The following OLFML2A variants were observed in gnomAD, a reference collection of about 807,000 sequenced individuals.
OLFML2A encodes olfactomedin like 2A.
In OLFML2A, 47 loss-of-function variants were observed where a neutral mutation model predicts 60.9. The ratio of observed to expected loss-of-function variants is 0.77; its 90% CI spans 0.61 to 0.98. The LOEUF (loss-of-function observed/expected upper bound fraction) is 0.98, where lower values mean the gene tolerates loss of function less well. Among genes scored for constraint, OLFML2A ranks in the 50% least tolerant of loss-of-function variants. OLFML2A has a pLI of 0.00. For synonymous variants in OLFML2A, 372 were observed against 375.0 expected, an observed-to-expected ratio of 0.99 and a Z score of 0.09; for missense variants, 922 against 879.8, an observed-to-expected ratio of 1.05 and a Z score of -0.61.
Position 124,804,095 on chromosome 9 carries a change from CA to C in OLFML2A, c.923del (p.Asn308ThrfsTer99). On this transcript the variant is annotated frameshift_variant and splice_region_variant, in exon 6 of 8. Transcript: ENST00000373580. LOFTEE classifies it high-confidence loss of function. Reference sequence around the variant, plus strand: ...AGCACAGGGGTCTTCTCTCTGCAGACAACACCCTCCAGGGCACTTCCTGGCT... The same window carrying C: ...AGCACAGGGGTCTTCTCTCTGCAGACACACCCTCCAGGGCACTTCCTGGCT... ...KQEVTEAVAD[N>X]TLQGTSWLEQ... 6.2e-7 allele frequency: 1 copy of C among 1,613,920 alleles called. No homozygotes were observed. Among genetic ancestry groups the C allele is most frequent in the Non-Finnish European group, 8.5e-7 (1 of 1,179,882 alleles).
intron 4 of OLFML2A, 136 bp downstream of exon 4, chr9:124,799,627 G>C (rs1212103628): frequency 1.4e-6 from 1 of 709,960 alleles, no homozygotes; most frequent in East Asian, 2.7e-5. Context: ...CACAGCCAGA[G>C]AGTCCCTGGC....
intron 1 of OLFML2A, among the ~76,000 whole-genome samples, chr9:124,782,169 C>G (rs1180363776): frequency 6.6e-6 from 1 of 152,230 alleles, no homozygotes; most frequent in African/African-American, 2.4e-5. Flanking sequence ...CTGTCCCAGC[C>G]CAATTGCTCA....
chr9:124,805,629 G>C (rs1042332616), intron 6 of OLFML2A, among the ~76,000 whole-genome samples: 1 of 151,870 alleles, frequency 6.6e-6, no homozygotes, highest in African/African-American at 2.4e-5. Context: ...ATGGTGGGAG[G>C]GGGTAAAGGA....
intron 4 of OLFML2A, chr9:124,800,840 G>T: frequency 7.1e-7 from 1 of 1,412,478 alleles, no homozygotes; most frequent in Non-Finnish European, 9.3e-7. Context: ...TAAATAGGAA[G>T]TGAAAATAAC....
chr9:124,799,225 A>G, intron 3 of OLFML2A, 60 bp from the exon 4 acceptor site: 1 of 1,244,874 alleles, frequency 8.0e-7, no homozygotes, highest in South Asian at 1.3e-5. Flanking sequence ...GTGTCCCTCC[A>G]GGCTAGGGGT....
intron 6 of OLFML2A, among the ~76,000 whole-genome samples, chr9:124,805,782 T>C (rs1841882868): frequency 6.6e-6 from 1 of 151,250 alleles, no homozygotes; most frequent in South Asian, 2.1e-4. Context: ...TTTATTATTA[T>C]TGTTGTTGTT....
Position 124,785,875 on chromosome 9 carries a change from A to G in OLFML2A, c.91-1100A>G, listed in dbSNP as rs1297832912. On this transcript the variant is annotated intron_variant, in intron 1 of 7. Coordinates refer to ENST00000373580, the MANE Select transcript of OLFML2A (RefSeq NM_182487.4). The stretch of plus-strand genomic sequence containing the variant: ...CATACTGTAATCCCAGAACTTTGAG[A>G]GGCCAAGGCAGAAGGATCACTTGTG... 2.0e-5 allele frequency among the ~76,000 whole-genome samples: 3 copies of G among 152,296 alleles called. No homozygotes were observed. In the East Asian group the frequency reaches 5.8e-4, roughly 29 times the overall value.
chr9:124,791,108 A>T (rs991462384), intron 2 of OLFML2A, among the ~76,000 whole-genome samples: 2 of 152,188 alleles, frequency 1.3e-5, no homozygotes, highest in Admixed American at 6.5e-5. Flanking sequence ...ACAGTTGCTG[A>T]CCCCAGTAAT....
At chr9:124,778,656 G>A (rs1033334598) in intron 1 of OLFML2A, among the ~76,000 whole-genome samples, 1 of 151,990 alleles carries the variant, frequency 6.6e-6, no homozygotes, top group Non-Finnish European at 1.5e-5. Context: ...AATTAGCCAG[G>A]TGTGGTGGTG....
At chr9:124,795,476 G>A (rs1278482376) in intron 3 of OLFML2A, among the ~76,000 whole-genome samples, 1 of 152,198 alleles carries the variant, frequency 6.6e-6, no homozygotes, top group African/African-American at 2.4e-5. Flanking sequence ...ATTCCTTGGT[G>A]GCTGGGCATG....
chr9:124,789,660 C>T lies in OLFML2A; in HGVS notation c.354+2422C>T, dbSNP rs538173979. 1.3e-4 allele frequency among the ~76,000 whole-genome samples: 20 copies of T among 152,320 alleles called. 1 individual carries two copies. Among genetic ancestry groups the T allele is most frequent in the African/African-American group, 3.8e-4 (16 of 41,576 alleles). ...CACAGAGACAGTCAGTGCCTCTGCA[C>T]GCAAGTCATGCAGAAAAGCAAGAGA... On this transcript the variant is annotated intron_variant, in intron 2 of 7. Coordinates refer to ENST00000373580, the MANE Select transcript of OLFML2A (RefSeq NM_182487.4).
intron 5 of OLFML2A, 131 bp downstream of exon 5, chr9:124,801,794 C>G: frequency 9.7e-7 from 1 of 1,027,690 alleles, no homozygotes; most frequent in Middle Eastern, 3.3e-4. Flanking sequence ...GTGCCCTCTG[C>G]TCATTCACAT....
chr9:124,791,420 A>G (rs184439361), intron 2 of OLFML2A, among the ~76,000 whole-genome samples: 115 of 152,342 alleles, frequency 7.5e-4, no homozygotes, highest in African/African-American at 2.6e-3. Flanking sequence ...GTAAAATGCT[A>G]TACAAATGAA....
rs952938941 is a variant in OLFML2A, at chr9:124,777,511, C to G, written c.90+151C>G. 1.1e-6 allele frequency: 1 copy of G among 878,378 alleles called. No individual in the cohort carries two copies. The allele number at this position is 878,378 out of a possible 1,614,324, so 54.4% of individuals were successfully genotyped here. A position where few individuals can be genotyped will look rare whatever the true frequency, so the allele number is the denominator to read the frequency against. On this transcript the variant is annotated intron_variant, in intron 1 of 7. Transcript: ENST00000373580. The surrounding 1 kb of genome is among the most constrained non-coding windows in gnomAD (Gnocchi z 6.2). ...ACCTGGGACTTCTCAGCACTGAAGC[C>G]GCAGGGGCAGGGGCCCCGAGAGAGG...
intron 5 of OLFML2A, 141 bp from the exon 6 acceptor site, chr9:124,803,953 C>T: frequency 3.4e-6 from 3 of 878,386 alleles, no homozygotes; most frequent in East Asian, 2.7e-5. Flanking sequence ...TTTCACCCCC[C>T]TCCAGGTGTG....
At chr9:124,798,304 C>G (rs1384571006) in intron 3 of OLFML2A, among the ~76,000 whole-genome samples, 1 of 151,952 alleles carries the variant, frequency 6.6e-6, no homozygotes, top group African/African-American at 2.4e-5. Flanking sequence ...GAGTTCAAGA[C>G]CAGCCTGCCC....
intron 3 of OLFML2A, among the ~76,000 whole-genome samples, chr9:124,797,687 G>A (rs1841692500): frequency 6.6e-6 from 1 of 152,178 alleles, no homozygotes; most frequent in Non-Finnish European, 1.5e-5. Context: ...AGTATACTCA[G>A]ACGAAAGAAT....
intron 4 of OLFML2A, chr9:124,800,785 G>A: frequency 1.6e-6 from 2 of 1,282,650 alleles, no homozygotes; most frequent in Non-Finnish European, 2.0e-6. Context: ...GATGAGTGAT[G>A]TCACAGGCCC....
intron 3 of OLFML2A, among the ~76,000 whole-genome samples, chr9:124,796,803 G>T (rs1425724828): frequency 2.6e-5 from 4 of 152,148 alleles, no homozygotes; most frequent in African/African-American, 9.7e-5. Context: ...GACATTTTTG[G>T]TTGTCACAAC....
Sources: gnomAD v4.1 joint callset for allele counts (sites outside exome capture counted in the v4.1 genomes callset) on GRCh38, gnomAD v4.1.1 for gene constraint, Gnocchi (gnomAD v3.1) non-coding constraint, MANE v1.5 for transcripts, NCBI Gene and HGNC (gene_info 2026-07-23, HGNC 2026-07-21) for gene names.